The following GIGYF2 variants were observed in gnomAD, a reference collection of about 807,000 sequenced individuals.
GIGYF2 encodes GRB10-interacting GYF protein 2.
In GIGYF2, 25 loss-of-function variants were observed where a neutral mutation model predicts 208.1. That is an observed-to-expected ratio of 0.12 (90% confidence interval 0.09 to 0.17). The LOEUF is 0.17. Among genes scored for constraint, GIGYF2 ranks in the 10% least tolerant of loss-of-function variants. The pLI is 1.00. For synonymous variants in GIGYF2, 534 were observed against 543.8 expected, an observed-to-expected ratio of 0.98 and a Z score of 0.25; for missense variants, 1,302 against 1,579.4, an observed-to-expected ratio of 0.82 and a Z score of 2.98.
At position 232,850,328 on chromosome 2, in the gene GIGYF2, C is replaced by G. The variant is rs1307557201; in HGVS notation, c.3751C>G (p.Gln1251Glu). Residue 1251 changes from glutamine (Q) to glutamate (E), a missense_variant, in exon 28 of 29, where the codon CAA becomes GAA. Around this residue, in one of 8 missense-constraint regions of GIGYF2, gnomAD observed 701 missense variants for 793.0 expected, o/e 0.88. Coordinates refer to ENST00000373563, the MANE Select transcript of GIGYF2 (RefSeq NM_001103146.3). ...ATTTCAGACCAATCAAAGCAACAAC[C>G]AACAATCCAATTTTGAGGCTGTGCA... ...SVFQTNQSNNQQSNFEAVQSG... is the reference protein window; with the variant it reads ...SVFQTNQSNNEQSNFEAVQSG... 13 of 1,613,528 alleles carry G rather than the reference C, an allele frequency of 8.1e-6. No homozygotes were observed. Among genetic ancestry groups the G allele is most frequent in the African/African-American group, 1.3e-5 (1 of 74,860 alleles).
At chr2:232,831,124 G>C (rs1701415015) in intron 21 of GIGYF2, among the ~76,000 whole-genome samples, 1 of 152,178 alleles carries the variant, frequency 6.6e-6, no homozygotes, top group Non-Finnish European at 1.5e-5. Flanking sequence ...TGGGACTGCT[G>C]ATGTAGACCT....
intron 2 of GIGYF2, among the ~76,000 whole-genome samples, chr2:232,703,862 G>A (rs546230814): frequency 3.9e-4 from 59 of 152,242 alleles, no homozygotes; most frequent in African/African-American, 1.3e-3. Context: ...TTACCAGCTG[G>A]CCAGTGTCCT....
At chr2:232,703,672 G>C (rs1006488369) in intron 2 of GIGYF2, among the ~76,000 whole-genome samples, 183 bp downstream of exon 2, 3 of 152,126 alleles carry the variant, frequency 2.0e-5, no homozygotes, top group Non-Finnish European at 4.4e-5. Context: ...TTTCTGCATT[G>C]ACCCTGGTGT....
intron 2 of GIGYF2, among the ~76,000 whole-genome samples, chr2:232,714,893 CCCATTAGTTATTTTT>C (rs1696607895): frequency 6.6e-6 from 1 of 151,790 alleles, no homozygotes. Context: ...TAGATTAGTA[CCCATTAGTTATTTTT>C]CCCGATCCTC....
At chr2:232,748,934 C>T in intron 4 of GIGYF2, 53 bp from the exon 5 acceptor site, 1 of 835,732 alleles carries the variant, frequency 1.2e-6, no homozygotes, top group East Asian at 2.4e-5. Flanking sequence ...TCTTGTATTT[C>T]TTCTTATTGC....
chr2:232,777,005 A>ATTTTCTTAG, intron 8 of GIGYF2, among the ~76,000 whole-genome samples: 1 of 151,284 alleles, frequency 6.6e-6, no homozygotes. Flanking sequence ...TAATGCATTG[A>ATTTTCTTAG]TTTTCTTAGT....
Position 232,815,651 on chromosome 2 carries a change from A to G in GIGYF2, c.2122A>G (p.Ser708Gly). 6.4e-7 allele frequency: 1 copy of G among 1,569,872 alleles called. No homozygotes were observed. The highest frequency in any genetic ancestry group is 2.2e-5 in the East Asian group (1 of 44,696). Residue 708 changes from serine (S) to glycine (G), a missense_variant, in exon 19 of 29, where the codon AGT becomes GGT. By Grantham distance (56) the Ser-to-Gly change is moderately conservative. This residue lies in a region of GIGYF2 where 701 missense variants were observed against 793.0 expected (regional missense o/e 0.88). Transcript: ENST00000373563. ...ASQPTVWEGG[S>G]VWDLPLDTTT... ...TTGTCTTACAGTTTGGGAAGGTGGT[A>G]GTGTATGGGATCTTCCTCTGGACAC...
chr2:232,785,737 T>C (rs1237872962), intron 8 of GIGYF2, among the ~76,000 whole-genome samples: 3 of 152,230 alleles, frequency 2.0e-5, no homozygotes, highest in African/African-American at 7.2e-5. Context: ...GAATGATACC[T>C]AGTAGCAGAC....
chr2:232,844,330 A>G, intron 24 of GIGYF2, 39 bp from the exon 25 acceptor site: 1 of 1,611,740 alleles, frequency 6.2e-7, no homozygotes. Context: ...TCTTTTTAAC[A>G]TGATTCACGA....
intron 3 of GIGYF2, among the ~76,000 whole-genome samples, chr2:232,743,137 C>T (rs530214948): frequency 6.6e-6 from 1 of 152,074 alleles, no homozygotes; most frequent in Admixed American, 6.6e-5. Flanking sequence ...ATTTACTACC[C>T]ATGGTAGAAT....
chr2:232,731,771 C>G (rs1277086499), intron 2 of GIGYF2, among the ~76,000 whole-genome samples: 2 of 152,126 alleles, frequency 1.3e-5, no homozygotes, highest in Non-Finnish European at 1.5e-5. Context: ...TAACATGTGT[C>G]AACTATAAGA....
chr2:232,734,284 T>C (rs1205663811), intron 2 of GIGYF2: 1 of 152,046 alleles, frequency 6.6e-6, no homozygotes, highest in East Asian at 1.9e-4. Flanking sequence ...TGGAGTGCAG[T>C]GGCAGGACCA....
rs1699222183 is a variant in GIGYF2, at chr2:232,770,984, G to A, written c.532+9548G>A. 3 of 1,614,026 alleles carry A rather than the reference G, an allele frequency of 1.9e-6. No individual in the cohort carries two copies. Among genetic ancestry groups the A allele is most frequent in the Non-Finnish European group, 2.5e-6 (3 of 1,179,974 alleles). On this transcript the variant is annotated intron_variant, in intron 8 of 28. Coordinates refer to ENST00000373563, the MANE Select transcript of GIGYF2 (RefSeq NM_001103146.3). ...ATTGCACTTGGACAGTCACCACTGG[G>A]GAACATGGTACCATAACCAATTGTG...
At chr2:232,724,747 C>T (rs1421128765) in intron 2 of GIGYF2, 2 of 152,178 alleles carry the variant, frequency 1.3e-5, no homozygotes, top group East Asian at 3.9e-4. Context: ...GAGATGAGCT[C>T]TCACTATGTT....
chr2:232,749,163 T>G, intron 5 of GIGYF2, 81 bp downstream of exon 5: 2 of 796,698 alleles, frequency 2.5e-6, no homozygotes, highest in South Asian at 2.7e-5. Flanking sequence ...CTATTTATGC[T>G]CTAAGGATTA....
intron 2 of GIGYF2, among the ~76,000 whole-genome samples, chr2:232,713,128 T>G (rs531159533): frequency 1.3e-5 from 2 of 150,368 alleles, no homozygotes; most frequent in African/African-American, 4.9e-5. Flanking sequence ...CAGGCTGGAG[T>G]GCAGTGGCAT....
In GIGYF2 at chr2:232,817,332, G is replaced by A. The variant is rs13408229; in HGVS notation, c.2370+300G>A. ...AAAACAATGAGAAAGTAACTTTGAT[G>A]TGCAGCATTAAATGTCAAATTTTAA... On this transcript the variant is annotated intron_variant, in intron 20 of 28. Transcript: ENST00000373563. 0.14 allele frequency among the ~76,000 whole-genome samples: 20,787 copies of A among 152,142 alleles called. 1,796 individuals carry two copies. The highest frequency in any genetic ancestry group is 0.18 in the Non-Finnish European group (11,930 of 67,978).
intron 2 of GIGYF2, among the ~76,000 whole-genome samples, chr2:232,718,783 T>C (rs1696814131): frequency 6.6e-6 from 1 of 152,160 alleles, no homozygotes. Flanking sequence ...GTTTAGTATA[T>C]GTGGAGAGTG....
intron 28 of GIGYF2, among the ~76,000 whole-genome samples, chr2:232,853,008 G>A (rs994121023): frequency 4.6e-5 from 7 of 152,116 alleles, no homozygotes; most frequent in Non-Finnish European, 7.4e-5. Flanking sequence ...AAAAACAAAC[G>A]TTGAACAAAG....
Sources: gnomAD v4.1 joint callset for allele counts (sites outside exome capture counted in the v4.1 genomes callset) on GRCh38, gnomAD v4.1.1 for gene constraint, gnomAD v4.1.1 regional missense constraint, MANE v1.5 for transcripts, NCBI Gene and HGNC (gene_info 2026-07-23, HGNC 2026-07-21) for gene names.